Variants in DNAH12 observed in about 807,000 individuals in gnomAD.
DNAH12 encodes the protein axonemal beta dynein heavy chain 12.
Under a neutral mutation model 371.5 loss-of-function variants are expected in DNAH12, and 285 were observed. The observed-to-expected ratio is 0.77, with a 90% confidence interval of 0.70 to 0.85. The LOEUF is 0.85. Among genes scored for constraint, DNAH12 ranks in the 40% least tolerant of loss-of-function variants. DNAH12 has a pLI of 0.00. For missense variants in DNAH12, 3,611 were observed against 3,689.4 expected (o/e 0.98, Z 0.55); for synonymous variants, 1,200 against 1,213.0 (o/e 0.99, Z 0.22).
chr3:57,342,484 CAAAAAAAAAAAAAAA>C (rs71088060), intron 60 of DNAH12, among the ~76,000 whole-genome samples: 1 of 66,038 alleles, frequency 1.5e-5, no homozygotes. Context: ...ACTAAAAATA[CAAAAAAAAAAAAAAA>C]AAAAAAAAAT....
intron 2 of DNAH12, among the ~76,000 whole-genome samples, chr3:57,537,738 G>A (rs752020781): frequency 7.4e-5 from 11 of 149,586 alleles, no homozygotes; most frequent in Admixed American, 1.3e-4. Flanking sequence ...AGGCTGGAGC[G>A]CAGTGGCATG....
Position 57,446,667 on chromosome 3 carries a change from A to T in DNAH12, c.3809T>A (p.Leu1270His). 6.6e-7 allele frequency: 1 copy of T among 1,515,128 alleles called. No homozygotes were observed. Among genetic ancestry groups the T allele is most frequent in the Middle Eastern group, 1.7e-4 (1 of 5,796 alleles). The allele number at this position is 1,515,128 out of a possible 1,614,324, so 93.9% of individuals were successfully genotyped here. ...TGCTGGCCCCTCTGGAGCACCTCCAAGGTTTAAATAGAAAGCACCTATCTG... is the reference window on the plus strand; with the variant it reads ...TGCTGGCCCCTCTGGAGCACCTCCATGGTTTAAATAGAAAGCACCTATCTG... The part of the protein sequence containing the change: ...RTLIGAFYLN[L>H]GGAPEGPAGT... The change falls in exon 26 of 74, where the codon CTT becomes CAT. Residue 1270 changes from leucine (L) to histidine (H), a missense_variant. This residue lies in a region of DNAH12 where 2,266 missense variants were observed against 2,236.9 expected (regional missense o/e 1.01). Coordinates refer to ENST00000495027, the MANE Select transcript of DNAH12 (RefSeq NM_001366028.2).
chr3:57,439,373 C>A (rs2065235645), intron 29 of DNAH12, among the ~76,000 whole-genome samples: 1 of 152,102 alleles, frequency 6.6e-6, no homozygotes, highest in African/African-American at 2.4e-5. Context: ...AATAGAATGA[C>A]TAGAAACCCA....
rs1212649001 is a variant in DNAH12 at position 57,323,584 on chromosome 3, T to C, written c.10014A>G (p.Lys3338=). Residue 3338 remains lysine (K), a synonymous_variant, in exon 63 of 74, where the codon AAA becomes AAG. Transcript: ENST00000495027. ...GAGGCTCTACAAACTTTTTCCCTAG[T>C]TTGTCAGTTACATAGTTTGTTATAG... The part of the protein sequence containing the change: ...TPAITNYVTD[K]LGKKFVEPPP... 3 of 1,550,094 alleles carry C rather than the reference T, an allele frequency of 1.9e-6. No homozygotes were observed. Among genetic ancestry groups the C allele is most frequent in the Middle Eastern group, 1.7e-4 (1 of 6,000 alleles).
intron 11 of DNAH12, among the ~76,000 whole-genome samples, chr3:57,499,647 A>ATAT (rs1553711615): frequency 8.4e-4 from 15 of 17,954 alleles, no homozygotes; most frequent in African/African-American, 2.1e-3. Context: ...AAAAAAAAAA[A>ATAT]ATATATATAT....
chr3:57,531,027 A>T (rs2068826587), intron 2 of DNAH12: 1 of 152,332 alleles, frequency 6.6e-6, no homozygotes, highest in African/African-American at 2.4e-5. Context: ...TTCATCTTTT[A>T]GTCTTTCTAC....
chr3:57,529,885 C>A (rs974157294), intron 2 of DNAH12, among the ~76,000 whole-genome samples: 2 of 152,174 alleles, frequency 1.3e-5, no homozygotes, highest in South Asian at 4.2e-4. Flanking sequence ...ATAAATTTCT[C>A]TTTTAGTACT....
At chr3:57,482,327 A>G (rs2066772101) in intron 13 of DNAH12, among the ~76,000 whole-genome samples, 2 of 152,224 alleles carry the variant, frequency 1.3e-5, no homozygotes, top group African/African-American at 2.4e-5. Context: ...AAAAATGCTC[A>G]TCATCACTGG....
chr3:57,478,362 G>A (rs557835016), intron 13 of DNAH12, among the ~76,000 whole-genome samples: 3 of 152,268 alleles, frequency 2.0e-5, no homozygotes, highest in Non-Finnish European at 2.9e-5. Context: ...AGCTAGAAGA[G>A]AAGTTTAGAG....
chr3:57,376,783 G>T (rs2063290725), intron 53 of DNAH12, among the ~76,000 whole-genome samples, 198 bp downstream of exon 53: 1 of 152,084 alleles, frequency 6.6e-6, no homozygotes, highest in African/African-American at 2.4e-5. Context: ...TCTTTTAAAA[G>T]ACCATGTGAA....
At chr3:57,503,321 A>G (rs115938999) in intron 9 of DNAH12, among the ~76,000 whole-genome samples, 9 of 152,218 alleles carry the variant, frequency 5.9e-5, no homozygotes, top group African/African-American at 1.4e-4. Context: ...CTATCATCCA[A>G]CAAATATTTA....
chr3:57,344,707 C>T (rs1553657488), intron 60 of DNAH12, among the ~76,000 whole-genome samples: 2 of 152,130 alleles, frequency 1.3e-5, no homozygotes, highest in African/African-American at 4.8e-5. Flanking sequence ...TTAAACACCA[C>T]ATGTTCTCAC....
chr3:57,330,913 A>G (rs766445713), intron 62 of DNAH12, among the ~76,000 whole-genome samples: 1 of 151,958 alleles, frequency 6.6e-6, no homozygotes, highest in Non-Finnish European at 1.5e-5. Flanking sequence ...CAATCAATCA[A>G]TTCCCCTCCC....
chr3:57,502,526 T>C (rs1467247081), intron 9 of DNAH12, 47 bp from the exon 10 acceptor site: 1 of 1,545,426 alleles, frequency 6.5e-7, no homozygotes, highest in South Asian at 1.2e-5. Flanking sequence ...AATATCTAAC[T>C]GTATAATTAA....
At position 57,293,735 on chromosome 3, in the gene DNAH12, G is replaced by GTTTTTT. The variant is rs370335542; in HGVS notation, c.*40_*45dup. On this transcript the variant is annotated 3_prime_UTR_variant, in exon 74 of 74. Coordinates refer to ENST00000495027, the MANE Select transcript of DNAH12 (RefSeq NM_001366028.2). ...AATGTATATATTTTAAGTAGGACAG[G>GTTTTTT]TTTTTTTTTTTTTAAACTTTTGGAT... 2 of 1,117,838 alleles carry GTTTTTT rather than the reference G, an allele frequency of 1.8e-6. No homozygotes were observed. Among genetic ancestry groups the GTTTTTT allele is most frequent in the Admixed American group, 5.5e-5 (2 of 36,652 alleles). The allele number at this position is 1,117,838 out of a possible 1,614,324, so 69.2% of individuals were successfully genotyped here. A position where few individuals can be genotyped will look rare whatever the true frequency, so the allele number is the denominator to read the frequency against.
intron 13 of DNAH12, 41 bp downstream of exon 13, chr3:57,483,335 C>T (rs1304067330): frequency 6.5e-7 from 1 of 1,530,994 alleles, no homozygotes; most frequent in Admixed American, 2.2e-5. Context: ...TAATATTTCA[C>T]AATGAAAACA....
intron 17 of DNAH12, among the ~76,000 whole-genome samples, chr3:57,465,068 T>C (rs1038257450): frequency 3.3e-5 from 5 of 152,206 alleles, no homozygotes; most frequent in African/African-American, 1.2e-4. Context: ...CTCAGGTACA[T>C]GGTTTAGCTC....
intron 1 of DNAH12, among the ~76,000 whole-genome samples, chr3:57,543,192 C>CTGTA (rs1432796219): frequency 6.6e-6 from 1 of 152,046 alleles, no homozygotes; most frequent in Non-Finnish European, 1.5e-5. Context: ...ATCCCTACAG[C>CTGTA]TGTAGCATTC....
chr3:57,548,662 C>T (rs1467673483), upstream of DNAH12, among the ~76,000 whole-genome samples: 1 of 152,078 alleles, frequency 6.6e-6, no homozygotes, highest in Non-Finnish European at 1.5e-5. Context: ...GCCATTACTG[C>T]ACCACTGCAC....
Sources: allele counts gnomAD v4.1 joint callset (sites outside exome capture counted in the v4.1 genomes callset), GRCh38; gene constraint gnomAD v4.1.1; regional missense constraint gnomAD v4.1.1; transcripts MANE v1.5; gene names NCBI Gene and HGNC (gene_info 2026-07-23, HGNC 2026-07-21).